Variants in RIMS1 observed in about 807,000 individuals in gnomAD.
RIMS1 encodes regulating synaptic membrane exocytosis protein 1.
In RIMS1, 83 loss-of-function variants were observed where a neutral mutation model predicts 214.1. The observed-to-expected ratio is 0.39, with a 90% CI of 0.32 to 0.47. The LOEUF (loss-of-function observed/expected upper bound fraction) is 0.47. RIMS1 is among the 20% of genes least tolerant of loss of function. The probability of loss-of-function intolerance (pLI) is 0.99; values close to 1 mark genes in which losing one functional copy is unlikely to be tolerated. For synonymous variants in RIMS1, 793 were observed against 786.8 expected, an observed-to-expected ratio of 1.01 and a Z score of -0.13; for missense variants, 2,050 against 2,161.8, an observed-to-expected ratio of 0.95 and a Z score of 1.03.
chr6:72,220,432 A>G (rs1296063691), intron 6 of RIMS1, among the ~76,000 whole-genome samples: 1 of 152,108 alleles, frequency 6.6e-6, no homozygotes, highest in African/African-American at 2.4e-5. Flanking sequence ...AAGGACTTGC[A>G]TAACTCAGGT....
chr6:72,162,086 A>C (rs550170376), intron 4 of RIMS1, among the ~76,000 whole-genome samples: 2 of 140,882 alleles, frequency 1.4e-5, no homozygotes, highest in Non-Finnish European at 3.2e-5. Context: ...TTGGGTGCAC[A>C]TATATTTAGG....
chr6:72,124,027 G>A (rs560713215), intron 4 of RIMS1, among the ~76,000 whole-genome samples: 2 of 151,846 alleles, frequency 1.3e-5, no homozygotes, highest in Non-Finnish European at 2.9e-5. Context: ...GATGTTAGCT[G>A]GTTATTTTGC....
intron 6 of RIMS1, among the ~76,000 whole-genome samples, chr6:72,221,651 G>C (rs971028011): frequency 2.6e-5 from 4 of 151,872 alleles, no homozygotes; most frequent in African/African-American, 9.7e-5. Flanking sequence ...GAGTTTAGGA[G>C]GTGCTATTGA....
chr6:71,976,550 T>C (rs1761235373), intron 2 of RIMS1, among the ~76,000 whole-genome samples: 1 of 152,122 alleles, frequency 6.6e-6, no homozygotes, highest in Admixed American at 6.6e-5. Context: ...GAATAGTCTT[T>C]TCATTTTCTT....
chr6:71,914,920 G>GT (rs1562184138), intron 1 of RIMS1, among the ~76,000 whole-genome samples: 1 of 152,120 alleles, frequency 6.6e-6, no homozygotes, highest in Admixed American at 6.6e-5. Flanking sequence ...GTTAACAAGC[G>GT]TTGTGCTGCC....
In RIMS1 at chr6:72,185,115, G is replaced by A. The variant is rs1475381935; in HGVS notation, c.1678+1966G>A. On this transcript the variant is annotated intron_variant, in intron 6 of 33. Coordinates refer to ENST00000521978, the MANE Select transcript of RIMS1 (RefSeq NM_014989.7). ...ACCCAGAACCCCATGAGTTCAACAC[G>A]AAAGGTGTTGAAGTGGTCTACTTGC... 3.3e-5 allele frequency among the ~76,000 whole-genome samples: 5 copies of A among 152,096 alleles called. No individual in the cohort carries two copies. The South Asian group carries it at 6.2e-4, about 19-fold the overall frequency.
rs1249942919 is a variant in RIMS1, at chr6:72,152,820, GAATATAT to G, written c.472-26754_472-26748del. 3.3e-4 allele frequency among the ~76,000 whole-genome samples: 19 copies of G among 57,492 alleles called. No homozygotes were observed. In the South Asian group the frequency reaches 8.2e-3, roughly 25 times the overall value. The allele number at this position is 57,492 out of a possible 152,430, so 37.7% of individuals were successfully genotyped here. ...ATATGTATATATATGTATATATATG[GAATATAT>G]GTATATATATGTATATATGGAATAT... On this transcript the variant is annotated intron_variant, in intron 4 of 33. Coordinates refer to ENST00000521978, the MANE Select transcript of RIMS1 (RefSeq NM_014989.7).
chr6:72,102,890 T>C (rs921739296), intron 4 of RIMS1, among the ~76,000 whole-genome samples: 4 of 152,148 alleles, frequency 2.6e-5, no homozygotes, highest in African/African-American at 9.6e-5. Flanking sequence ...CTCAGAGTTA[T>C]CCATATTTAG....
In RIMS1 at chr6:72,245,602, G is replaced by C. The variant is rs114920732; in HGVS notation, c.2082-213G>C. On this transcript the variant is annotated intron_variant, in intron 10 of 33. Transcript: ENST00000521978. ...CTGATTGTTGTCATGTTAAAGTTTT[G>C]CTCTTAAATATGTAAAAACTTTTTT... Among the ~76,000 whole-genome samples, 726 of 152,012 alleles carry C rather than the reference G, an allele frequency of 4.8e-3. 8 individuals carry two copies. The highest frequency in any genetic ancestry group is 0.017 in the African/African-American group (707 of 41,476).
intron 6 of RIMS1, among the ~76,000 whole-genome samples, chr6:72,197,041 C>T (rs2051115635): frequency 6.6e-6 from 1 of 152,092 alleles, no homozygotes; most frequent in Non-Finnish European, 1.5e-5. Flanking sequence ...AGGTAAATAT[C>T]AAGAAGCAAT....
intron 8 of RIMS1, among the ~76,000 whole-genome samples, chr6:72,237,315 T>C (rs1562916080): frequency 6.6e-6 from 1 of 151,926 alleles, no homozygotes; most frequent in African/African-American, 2.4e-5. Flanking sequence ...CAAACTTCCT[T>C]AGGACACATA....
At chr6:72,260,254 C>A (rs2077405435) in intron 18 of RIMS1, among the ~76,000 whole-genome samples, 1 of 151,928 alleles carries the variant, frequency 6.6e-6, no homozygotes, top group African/African-American at 2.4e-5. Flanking sequence ...TAATAAGAAA[C>A]ATAATATGGT....
At chr6:71,951,051 C>T (rs994095240) in intron 1 of RIMS1, among the ~76,000 whole-genome samples, 1 of 152,174 alleles carries the variant, frequency 6.6e-6, no homozygotes, top group African/African-American at 2.4e-5. Context: ...AGCATGCAAA[C>T]ATCAAATACA....
chr6:72,217,302 A>G, intron 6 of RIMS1: 2 of 1,411,876 alleles, frequency 1.4e-6, no homozygotes, highest in Non-Finnish European at 1.9e-6. Context: ...TTATTGTTTA[A>G]TTATCCAAAA....
At chr6:72,092,408 G>A (rs529260871) in intron 2 of RIMS1, among the ~76,000 whole-genome samples, 1 of 152,008 alleles carries the variant, frequency 6.6e-6, no homozygotes, top group East Asian at 1.9e-4. Context: ...TTCTTCCAGA[G>A]CAGAATAAGA....
intron 2 of RIMS1, among the ~76,000 whole-genome samples, chr6:72,029,368 T>C (rs1817431099): frequency 6.6e-6 from 1 of 152,184 alleles, no homozygotes; most frequent in African/African-American, 2.4e-5. Context: ...CAAATTTATA[T>C]GTTGAAACTT....
At chr6:71,895,285 G>A (rs1441581121) in intron 1 of RIMS1, among the ~76,000 whole-genome samples, 1 of 152,160 alleles carries the variant, frequency 6.6e-6, no homozygotes, top group East Asian at 1.9e-4. Flanking sequence ...TTAATCTCAA[G>A]AATATATTTT....
At position 72,274,452 on chromosome 6, in the gene RIMS1, C is replaced by T. The variant is rs1335031726; in HGVS notation, c.3482+20C>T. On this transcript the variant is annotated intron_variant, in intron 23 of 33. Coordinates refer to ENST00000521978, the MANE Select transcript of RIMS1 (RefSeq NM_014989.7). ...TGACAGGTACTAGTCAACTCCTCCT[C>T]ACAGACAAGTGGCTTCTAGAAGCTT... The T allele has an allele frequency of 7.5e-6, 12 of 1,589,830 alleles. No homozygotes were observed. Among genetic ancestry groups the T allele is most frequent in the South Asian group, 2.2e-5 (2 of 90,418 alleles).
chr6:72,011,201 C>G (rs750745780), intron 2 of RIMS1, among the ~76,000 whole-genome samples: 78 of 152,156 alleles, frequency 5.1e-4, no homozygotes, highest in Non-Finnish European at 9.3e-4. Flanking sequence ...TGATCTTTGA[C>G]AAACCTGACA....
Sources: gnomAD v4.1 joint callset for allele counts (sites outside exome capture counted in the v4.1 genomes callset) on GRCh38, gnomAD v4.1.1 for gene constraint, MANE v1.5 for transcripts, NCBI Gene and HGNC (gene_info 2026-07-23, HGNC 2026-07-21) for gene names.